Variants in ATP9B observed in about 807,000 individuals in gnomAD.
The protein encoded by ATP9B is probable phospholipid-transporting ATPase IIB.
ATP9B carries 110 observed loss-of-function variants against 146.1 expected under a neutral mutation model. The ratio of observed to expected loss-of-function variants is 0.75; its 90% CI spans 0.65 to 0.88. The LOEUF (loss-of-function observed/expected upper bound fraction) is 0.88. ATP9B is among the 40% of genes least tolerant of loss of function. The probability of loss-of-function intolerance (pLI) is 0.00; values close to 1 mark genes in which losing one functional copy is unlikely to be tolerated. For synonymous variants in ATP9B, 604 were observed against 569.7 expected (o/e 1.06, Z -0.86); for missense variants, 1,499 against 1,496.4 (o/e 1.00, Z -0.03).
intron 2 of ATP9B, among the ~76,000 whole-genome samples, chr18:79,101,055 TAC>T (rs1388618107): frequency 6.6e-6 from 1 of 151,994 alleles, no homozygotes; most frequent in Non-Finnish European, 1.5e-5. Context: ...CCCCAGTTGT[TAC>T]ATCTTATGTA....
intron 2 of ATP9B, among the ~76,000 whole-genome samples, chr18:79,100,681 A>C (rs192748750): frequency 1.4e-4 from 22 of 152,284 alleles, no homozygotes; most frequent in African/African-American, 5.1e-4. Context: ...TCATTTTCAC[A>C]CTGCTAATAA....
chr18:79,136,095 C>T (rs1210088612), intron 5 of ATP9B, among the ~76,000 whole-genome samples: 1 of 152,078 alleles, frequency 6.6e-6, no homozygotes, highest in Admixed American at 6.5e-5. Context: ...TACAAAGGGC[C>T]TACATCTAAC....
Position 79,377,926 on chromosome 18 carries a change from G to A in ATP9B, c.*543G>A, listed in dbSNP as rs2097110507. The A allele has an allele frequency of 6.5e-6, 1 of 153,534 alleles. No individual in the cohort carries two copies. 9.5% of individuals were successfully genotyped at this position (153,534 alleles called of 1,614,324 possible). ...CTGCTTTTCTTTCTTTTTTTGTATT[G>A]TCAAAATTGTATTTCCATATTGAAG... On this transcript the variant is annotated 3_prime_UTR_variant, in exon 30 of 30. Transcript: ENST00000426216.
intron 19 of ATP9B, among the ~76,000 whole-genome samples, chr18:79,339,254 A>ATGTCATGATCACAGTAGGAAGTG (rs752395350): frequency 0.89 from 126,504 of 142,788 alleles, 56,511 homozygotes; most frequent in East Asian, 0.98. Context: ...AGTAGGAAGT[A>ATGTCATGATCACAGTAGGAAGTG]TGTCATGATC....
chr18:79,225,163 A>G (rs1202661149), intron 11 of ATP9B, among the ~76,000 whole-genome samples: 1 of 152,226 alleles, frequency 6.6e-6, no homozygotes, highest in Admixed American at 6.5e-5. Context: ...ATTTTGACTT[A>G]TTCATCTTTT....
At chr18:79,178,383 C>T (rs2095207624) in intron 8 of ATP9B, among the ~76,000 whole-genome samples, 1 of 152,058 alleles carries the variant, frequency 6.6e-6, no homozygotes, top group African/African-American at 2.4e-5. Context: ...TCTGTGATGG[C>T]CGGTTGTGTT....
chr18:79,348,486 G>C (rs2096904455), intron 25 of ATP9B, among the ~76,000 whole-genome samples: 1 of 152,236 alleles, frequency 6.6e-6, no homozygotes, highest in African/African-American at 2.4e-5. Flanking sequence ...GTGGCAGAAG[G>C]CGGAGGGGCA....
rs191983063 is a variant in ATP9B, at chr18:79,222,683, G to A, written c.1107+8645G>A. Among the ~76,000 whole-genome samples, 213 of 152,258 alleles carry A rather than the reference G, an allele frequency of 1.4e-3. 1 individual carries two copies. Among genetic ancestry groups the A allele is most frequent in the Non-Finnish European group, 2.3e-3 (154 of 68,022 alleles). ...AAGGTGAGGATTAGAATATTTTCCCGCCTCCTAGTGCTTATGACAGAGAGA... is the reference window on the plus strand; with the variant it reads ...AAGGTGAGGATTAGAATATTTTCCCACCTCCTAGTGCTTATGACAGAGAGA... On this transcript the variant is annotated intron_variant, in intron 11 of 29. Coordinates refer to ENST00000426216, the MANE Select transcript of ATP9B (RefSeq NM_198531.5).
intron 1 of ATP9B, among the ~76,000 whole-genome samples, chr18:79,072,196 G>C (rs1237025981): frequency 1.3e-5 from 2 of 151,376 alleles, no homozygotes; most frequent in East Asian, 3.9e-4. Flanking sequence ...GTGTTTCTCG[G>C]AGAGGGGGAT....
intron 1 of ATP9B, among the ~76,000 whole-genome samples, chr18:79,086,791 A>G (rs193284104): frequency 7.2e-4 from 110 of 152,354 alleles, no homozygotes; most frequent in African/African-American, 2.6e-3. Flanking sequence ...AGGTTATTGT[A>G]TATATGATTC....
At chr18:79,361,387 T>G (rs2096987590) in intron 26 of ATP9B, 1 of 152,234 alleles carries the variant, frequency 6.6e-6, no homozygotes, top group Non-Finnish European at 1.5e-5. Context: ...AGTTCTGTGT[T>G]ACTGGTGCCG....
chr18:79,237,047 GCCC>G (rs2095847839), intron 11 of ATP9B, among the ~76,000 whole-genome samples: 2 of 28,528 alleles, frequency 7.0e-5, no homozygotes. Context: ...GTCCACACCT[GCCC>G]CTTCCCCCTT....
intron 2 of ATP9B, among the ~76,000 whole-genome samples, chr18:79,101,892 G>A (rs1294248135): frequency 1.3e-5 from 2 of 151,746 alleles, no homozygotes; most frequent in Non-Finnish European, 2.9e-5. Context: ...TCTAACTATG[G>A]GTCCTCTGTC....
At chr18:79,134,953 G>A (rs886487157) in intron 5 of ATP9B, among the ~76,000 whole-genome samples, 3 of 152,142 alleles carry the variant, frequency 2.0e-5, no homozygotes, top group African/African-American at 4.8e-5. Context: ...TTCATTTTTT[G>A]TAGTTAAGGT....
rs2096991174 is a variant in ATP9B at position 79,361,844 on chromosome 18, GT to G, written c.3012+2383del. ...AGTTTATCCACACCGGTCAGTGTCA[GT>G]GGACACCAAGTCCCCAGTCCGTCGG... On this transcript the variant is annotated intron_variant, in intron 26 of 29. Coordinates refer to ENST00000426216, the MANE Select transcript of ATP9B (RefSeq NM_198531.5). The G allele has an allele frequency of 8.2e-6, 8 of 980,662 alleles. No individual in the cohort carries two copies. The South Asian group carries it at 3.3e-4, about 40-fold the overall frequency. 60.7% of individuals were successfully genotyped at this position (980,662 alleles called of 1,614,324 possible).
chr18:79,141,806 G>C (rs547989862), intron 5 of ATP9B, among the ~76,000 whole-genome samples: 103 of 152,272 alleles, frequency 6.8e-4, no homozygotes, highest in Non-Finnish European at 1.4e-3. Context: ...CAAAGTGTTA[G>C]CCAGAAATCA....
chr18:79,071,891 T>G (rs1269184559), intron 1 of ATP9B, among the ~76,000 whole-genome samples: 2 of 46,948 alleles, frequency 4.3e-5, no homozygotes, highest in Non-Finnish European at 6.9e-5. Flanking sequence ...TTGGTTTTGT[T>G]TTTTTTTTTT....
intron 5 of ATP9B, among the ~76,000 whole-genome samples, chr18:79,135,743 C>T (rs1335637002): frequency 1.3e-5 from 2 of 152,134 alleles, no homozygotes; most frequent in Non-Finnish European, 2.9e-5. Flanking sequence ...TCTTTCTGCT[C>T]TGTTTCTCCT....
chr18:79,126,175 A>C lies in ATP9B; in HGVS notation c.559-92A>C, dbSNP rs150389660. ...ATTTTATGTTTTAGAGAGTAATATA[A>C]ATTGAAGGAAAAAAGTTAAACCAAG... On this transcript the variant is annotated intron_variant, in intron 4 of 29. Coordinates refer to ENST00000426216, the MANE Select transcript of ATP9B (RefSeq NM_198531.5). The C allele has an allele frequency of 5.7e-4, 595 of 1,038,332 alleles. 4 individuals carry two copies. Among genetic ancestry groups the C allele is most frequent in the Non-Finnish European group, 2.0e-4 (143 of 705,936 alleles). The allele number at this position is 1,038,332 out of a possible 1,614,324, so 64.3% of individuals were successfully genotyped here. A position where few individuals can be genotyped will look rare whatever the true frequency, so the allele number is the denominator to read the frequency against.
Sources: allele counts gnomAD v4.1 joint callset (sites outside exome capture counted in the v4.1 genomes callset), GRCh38; gene constraint gnomAD v4.1.1; transcripts MANE v1.5; gene names NCBI Gene and HGNC (gene_info 2026-07-23, HGNC 2026-07-21).